ELAVL3: variants seen among roughly 807,000 people sequenced by gnomAD.
The protein encoded by ELAVL3 is ELAV-like protein 3.
Under a neutral mutation model 34.2 loss-of-function variants are expected in ELAVL3, and 8 were observed. That is an observed-to-expected ratio of 0.23 (90% CI 0.14 to 0.42). ELAVL3 has a LOEUF of 0.42. Ranked by LOEUF, ELAVL3 falls within the 10% of genes least tolerant of loss-of-function variation. The pLI is 1.00. For missense variants in ELAVL3, 273 were observed against 518.8 expected, an observed-to-expected ratio of 0.53 and a Z score of 4.60; for synonymous variants, 209 against 222.1, an observed-to-expected ratio of 0.94 and a Z score of 0.53.
At chr19:11,471,624 AT>A (rs556214835) in intron 1 of ELAVL3, among the ~76,000 whole-genome samples, 12 of 147,598 alleles carry the variant, frequency 8.1e-5, no homozygotes, top group South Asian at 2.1e-4. Flanking sequence ...AAAAAAAAAA[AT>A]TTTTTTTTTG....
intron 1 of ELAVL3, among the ~76,000 whole-genome samples, chr19:11,470,926 GC>G (rs1466695858): frequency 2.0e-5 from 3 of 152,070 alleles, no homozygotes; most frequent in Admixed American, 6.6e-5. Flanking sequence ...GTTCACTGCA[GC>G]CTCAAACTCC....
At chr19:11,461,160 CAGAGCA>C (rs1332860323) in intron 3 of ELAVL3, among the ~76,000 whole-genome samples, 1 of 150,818 alleles carries the variant, frequency 6.6e-6, no homozygotes, top group Non-Finnish European at 1.5e-5. Context: ...GCCTGGGCTA[CAGAGCA>C]AGACCCTGTC....
chr19:11,474,086 G>A (rs1971218586), intron 1 of ELAVL3, among the ~76,000 whole-genome samples: 1 of 152,152 alleles, frequency 6.6e-6, no homozygotes. Context: ...AGACTGGGGT[G>A]CAGTGGTATG....
Position 11,454,810 on chromosome 19 carries a change from C to G in ELAVL3, c.820G>C (p.Gly274Arg), listed in dbSNP as rs775131216. The change falls in exon 7 of 7, where the codon GGC becomes CGC. Residue 274 changes from glycine (G) to arginine (R), a missense_variant. Around this residue, in one of 4 missense-constraint regions of ELAVL3, gnomAD observed 79 missense variants for 108.2 expected, o/e 0.73. Transcript: ENST00000359227. The surrounding 1 kb of genome is among the most constrained non-coding windows in gnomAD (Gnocchi z 9.2). ...IDGMSGLAGV[G>R]LSGGAAGAGW... Reference sequence around the variant, plus strand: ...GCGCCCGCCGCGCCCCCCGACAGGCCCACGCCCGCCAGGCCGCTCATACCA... The same window carrying G: ...GCGCCCGCCGCGCCCCCCGACAGGCGCACGCCCGCCAGGCCGCTCATACCA... The G allele has an allele frequency of 1.1e-5, 18 of 1,611,128 alleles. No homozygotes were observed. The highest frequency in any genetic ancestry group is 1.7e-5 in the Admixed American group (1 of 59,936).
chr19:11,466,327 A>C lies in ELAVL3; in HGVS notation c.230-52T>G. 6.6e-7 allele frequency: 1 copy of C among 1,521,404 alleles called. No individual in the cohort carries two copies. The highest frequency in any genetic ancestry group is 9.1e-7 in the Non-Finnish European group (1 of 1,096,730). The allele number at this position is 1,521,404 out of a possible 1,614,324, so 94.2% of individuals were successfully genotyped here. ...TTCCCACCCAGCCTTGACACCTGCC[A>C]GTGTCCCACCTCAGGCCTGAGAGAC... On this transcript the variant is annotated intron_variant, in intron 2 of 6. Coordinates refer to ENST00000359227, the MANE Select transcript of ELAVL3 (RefSeq NM_001420.4). The surrounding 1 kb of genome is among the most constrained non-coding windows in gnomAD (Gnocchi z 5.0).
rs1971353730 is a variant in ELAVL3, at chr19:11,480,468, G to T, written c.9+132C>A. 8.7e-7 allele frequency: 1 copy of T among 1,144,332 alleles called. No individual in the cohort carries two copies. The highest frequency in any genetic ancestry group is 1.2e-6 in the Non-Finnish European group (1 of 865,370). The allele number at this position is 1,144,332 out of a possible 1,614,324, so 70.9% of individuals were successfully genotyped here. A position where few individuals can be genotyped will look rare whatever the true frequency, so the allele number is the denominator to read the frequency against. ...TGCCCACTCTCAGGCCCCGAGGCTT[G>T]GTCCTACCCCCCCAACCCGGGCCTA... On this transcript the variant is annotated intron_variant, in intron 1 of 6. Transcript: ENST00000359227. The surrounding 1 kb of genome is among the most constrained non-coding windows in gnomAD (Gnocchi z 6.8).
Position 11,458,087 on chromosome 19 carries a change from G to A in ELAVL3, c.687C>T (p.Pro229=). 1 of 1,613,428 alleles carries A rather than the reference G, an allele frequency of 6.2e-7. No homozygotes were observed. The highest frequency in any genetic ancestry group is 1.3e-5 in the African/African-American group (1 of 75,056). The change falls in exon 5 of 7, where the codon CCC becomes CCT. Residue 229 remains proline, a synonymous_variant. Coordinates refer to ENST00000359227, the MANE Select transcript of ELAVL3 (RefSeq NM_001420.4). The surrounding 1 kb of genome is among the most constrained non-coding windows in gnomAD (Gnocchi z 7.3). ...YQSSARRYAG[P]LHHQTQRFRL... ...GGAAACGCTGGGTCTGATGGTGTAG[G>A]GGGCCTGCGTAGCGCCGGGCGGATG...
rs1970822946 is a variant in ELAVL3, at chr19:11,458,775, T to C, written c.334-164A>G. On this transcript the variant is annotated intron_variant, in intron 3 of 6. Coordinates refer to ENST00000359227, the MANE Select transcript of ELAVL3 (RefSeq NM_001420.4). The surrounding 1 kb of genome is among the most constrained non-coding windows in gnomAD (Gnocchi z 7.3). ...CCGTGGGGTGGGGCTGAGTCAGATA[T>C]GGGAGAGGGGACATGGCAGTGGCTG... Among the ~76,000 whole-genome samples the C allele has an allele frequency of 6.6e-6, 1 of 151,946 alleles. No individual in the cohort carries two copies. Among genetic ancestry groups the C allele is most frequent in the Non-Finnish European group, 1.5e-5 (1 of 67,986 alleles).
chr19:11,470,663 C>A (rs187371500), intron 1 of ELAVL3, among the ~76,000 whole-genome samples: 1 of 151,856 alleles, frequency 6.6e-6, no homozygotes, highest in Non-Finnish European at 1.5e-5. Flanking sequence ...GCAACAAGAG[C>A]GAAACTCCAT....
chr19:11,473,515 T>G (rs1373495319), intron 1 of ELAVL3, among the ~76,000 whole-genome samples: 7 of 152,240 alleles, frequency 4.6e-5, no homozygotes, highest in Non-Finnish European at 1.0e-4. Flanking sequence ...CATCCCTGAC[T>G]CAAGCTCCAA....
At chr19:11,456,722 G>A (rs1444532625) in intron 6 of ELAVL3, among the ~76,000 whole-genome samples, 2 of 151,978 alleles carry the variant, frequency 1.3e-5, no homozygotes, top group East Asian at 3.9e-4. Flanking sequence ...GGAGTGCAGT[G>A]GCACCATCAT....
intron 3 of ELAVL3, among the ~76,000 whole-genome samples, chr19:11,462,491 G>A (rs986897056): frequency 6.6e-6 from 1 of 151,034 alleles, no homozygotes; most frequent in African/African-American, 2.4e-5. Context: ...GCAAAAATTA[G>A]CCGGGCGTGG....
intron 3 of ELAVL3, among the ~76,000 whole-genome samples, chr19:11,464,167 ATT>A (rs1236599277): frequency 0.057 from 5,880 of 103,672 alleles, 235 homozygotes; most frequent in African/African-American, 0.079. Context: ...ATATATATAT[ATT>A]TTTTTTTTTT....
At chr19:11,464,898 ACACCACAAACACACACCACAC>A (rs1568382646) in intron 3 of ELAVL3, among the ~76,000 whole-genome samples, 14 of 123,780 alleles carry the variant, frequency 1.1e-4, no homozygotes, top group Non-Finnish European at 3.5e-5. Context: ...CACACCACAC[ACACCACAAACACACACCACAC>A]ACACACCACA....
chr19:11,466,522 C>T lies in ELAVL3; in HGVS notation c.229+86G>A. The T allele has an allele frequency of 6.7e-7, 1 of 1,488,632 alleles. No individual in the cohort carries two copies. The allele number at this position is 1,488,632 out of a possible 1,614,324, so 92.2% of individuals were successfully genotyped here. Reference sequence around the variant, plus strand: ...CCTGCCTCGATTACCCCCGAGACACCTCAGCAAGGGTCCCACCTGCCCCCA... The same window carrying T: ...CCTGCCTCGATTACCCCCGAGACACTTCAGCAAGGGTCCCACCTGCCCCCA... On this transcript the variant is annotated intron_variant, in intron 2 of 6. Coordinates refer to ENST00000359227, the MANE Select transcript of ELAVL3 (RefSeq NM_001420.4). The surrounding 1 kb of genome is among the most constrained non-coding windows in gnomAD (Gnocchi z 5.0).
At chr19:11,463,578 C>T (rs544525882) in intron 3 of ELAVL3, among the ~76,000 whole-genome samples, 11 of 152,256 alleles carry the variant, frequency 7.2e-5, no homozygotes, top group Middle Eastern at 3.4e-3. Context: ...CACAACATCG[C>T]GGTGACACAC....
intron 6 of ELAVL3, among the ~76,000 whole-genome samples, chr19:11,456,743 A>G (rs1484729510): frequency 6.6e-6 from 1 of 152,094 alleles, no homozygotes; most frequent in Non-Finnish European, 1.5e-5. Flanking sequence ...AGTTCACTGC[A>G]GCCTCCAACT....
rs940953083 is a variant in ELAVL3 at position 11,452,333 on chromosome 19, C to T, written c.*2193G>A. On this transcript the variant is annotated 3_prime_UTR_variant, in exon 7 of 7. Transcript: ENST00000359227. Reference sequence around the variant, plus strand: ...ATTGTCGTTCCTTTAACTTGCAAACCGGATGAAGTAACAGAAATATACACG... The same window carrying T: ...ATTGTCGTTCCTTTAACTTGCAAACTGGATGAAGTAACAGAAATATACACG... 6.6e-6 allele frequency: 1 copy of T among 152,002 alleles called. No individual in the cohort carries two copies. Among genetic ancestry groups the T allele is most frequent in the African/African-American group, 2.4e-5 (1 of 41,378 alleles). 9.4% of individuals were successfully genotyped at this position (152,002 alleles called of 1,614,324 possible).
At position 11,470,630 on chromosome 19, in the gene ELAVL3, C is replaced by T. The variant is rs549675400; in HGVS notation, c.10-3803G>A. ...AGGCGGGGGTTGCGGTAGCTGAGATCCCACCATTGCACTCCAGCCTGGGCA... is the reference window on the plus strand; with the variant it reads ...AGGCGGGGGTTGCGGTAGCTGAGATTCCACCATTGCACTCCAGCCTGGGCA... On this transcript the variant is annotated intron_variant, in intron 1 of 6. Coordinates refer to ENST00000359227, the MANE Select transcript of ELAVL3 (RefSeq NM_001420.4). 9.9e-5 allele frequency among the ~76,000 whole-genome samples: 15 copies of T among 152,002 alleles called. 1 individual carries two copies. The highest frequency in any genetic ancestry group is 3.6e-4 in the African/African-American group (15 of 41,460).
Sources: gnomAD v4.1 joint callset for allele counts (sites outside exome capture counted in the v4.1 genomes callset) on GRCh38, gnomAD v4.1.1 for gene constraint, gnomAD v4.1.1 regional missense constraint, Gnocchi (gnomAD v3.1) non-coding constraint, MANE v1.5 for transcripts, NCBI Gene and HGNC (gene_info 2026-07-23, HGNC 2026-07-21) for gene names.